The following PPM1G variants were observed in gnomAD, a reference collection of about 807,000 sequenced individuals.
The protein encoded by PPM1G is protein phosphatase 1G.
A neutral mutation model predicts 59.4 loss-of-function variants in PPM1G; 12 were observed. The ratio of observed to expected loss-of-function variants is 0.20; its 90% confidence interval spans 0.13 to 0.33. The LOEUF (loss-of-function observed/expected upper bound fraction) is 0.33, where lower values mean the gene tolerates loss of function less well. PPM1G is among the 10% of genes least tolerant of loss of function. PPM1G has a pLI of 1.00. For missense variants in PPM1G, 392 were observed against 681.3 expected (o/e 0.58, Z 4.73); for synonymous variants, 245 against 251.9 (o/e 0.97, Z 0.26).
At chr2:27,404,056 C>T (rs1363327582) in intron 1 of PPM1G, among the ~76,000 whole-genome samples, 1 of 152,042 alleles carries the variant, frequency 6.6e-6, no homozygotes, top group East Asian at 1.9e-4. Flanking sequence ...TATATTTTTT[C>T]CATTAATTTA....
At chr2:27,389,829 G>C (rs989514963) in intron 1 of PPM1G, among the ~76,000 whole-genome samples, 2 of 152,028 alleles carry the variant, frequency 1.3e-5, no homozygotes, top group Admixed American at 1.3e-4. Context: ...GCCAGGCATA[G>C]CAGCATGCAC....
chr2:27,392,833 T>C, intron 1 of PPM1G: 1 of 1,483,070 alleles, frequency 6.7e-7, no homozygotes, highest in South Asian at 1.1e-5. Flanking sequence ...AAAGAGGTAT[T>C]CTGCCACGCC....
At chr2:27,395,058 C>G (rs944352757) in intron 1 of PPM1G, among the ~76,000 whole-genome samples, 4 of 151,766 alleles carry the variant, frequency 2.6e-5, no homozygotes, top group Non-Finnish European at 5.9e-5. Context: ...GGTGAAACCC[C>G]GTTTCTACTA....
Position 27,382,532 on chromosome 2 carries a change from C to G in PPM1G, c.1275G>C (p.Lys425Asn). The change falls in exon 8 of 10, where the codon AAG becomes AAC. Residue 425 changes from lysine (K) to asparagine (N), a missense_variant. Transcript: ENST00000344034. The surrounding 1 kb of genome is among the most constrained non-coding windows in gnomAD (Gnocchi z 4.2). ...CATGGTCGTCAGTGAGAGTCAGCAC[C>G]TTGATGTCAGGAAGGGCTGAAATCA... ...EQMISALPDIKVLTLTDDHEF... is the reference protein window; with the variant it reads ...EQMISALPDINVLTLTDDHEF... 1 of 1,614,242 alleles carries G rather than the reference C, an allele frequency of 6.2e-7. No individual in the cohort carries two copies. Among genetic ancestry groups the G allele is most frequent in the South Asian group, 1.1e-5 (1 of 91,088 alleles).
intron 1 of PPM1G, among the ~76,000 whole-genome samples, chr2:27,409,006 G>A (rs900667384): frequency 6.6e-5 from 10 of 152,220 alleles, no homozygotes; most frequent in Non-Finnish European, 1.3e-4. Flanking sequence ...AGCCTGGAGG[G>A]CTAGGTTGGC....
chr2:27,384,988 G>C lies in PPM1G; in HGVS notation c.510C>G (p.His170Gln). 7 of 1,614,212 alleles carry C rather than the reference G, an allele frequency of 4.3e-6. No homozygotes were observed. The South Asian group carries it at 6.6e-5, about 15-fold the overall frequency. The change falls in exon 5 of 10, where the codon CAC becomes CAG. Residue 170 changes from histidine to glutamine, a missense_variant. This residue lies in a region of PPM1G where 188 missense variants were observed against 248.8 expected (regional missense o/e 0.76). Transcript: ENST00000344034. The surrounding 1 kb of genome is among the most constrained non-coding windows in gnomAD (Gnocchi z 4.8). ...CGCCTGTCCCACCTCCAGATTTGCT[G>C]TGGGGAGGGCCCTTGTGACAGTTCT... The part of the protein sequence containing the change: ...YGQNCHKGPP[H>Q]SKSGGGTGEE...
intron 1 of PPM1G, among the ~76,000 whole-genome samples, chr2:27,396,537 G>T (rs148973650): frequency 2.0e-5 from 3 of 151,828 alleles, no homozygotes; most frequent in Admixed American, 2.0e-4. Context: ...TTTTAAGGCC[G>T]GGCGTGGTGG....
In PPM1G at chr2:27,392,832, T is replaced by G; in HGVS notation, c.121-5674A>C. The G allele has an allele frequency of 2.0e-6, 3 of 1,483,762 alleles. No individual in the cohort carries two copies. The South Asian group carries it at 3.4e-5, about 17-fold the overall frequency. The allele number at this position is 1,483,762 out of a possible 1,614,324, so 91.9% of individuals were successfully genotyped here. A position where few individuals can be genotyped will look rare whatever the true frequency, so the allele number is the denominator to read the frequency against. On this transcript the variant is annotated intron_variant, in intron 1 of 9. Coordinates refer to ENST00000344034, the MANE Select transcript of PPM1G (RefSeq NM_177983.3). Reference sequence around the variant, plus strand: ...CCAGGGTGTGCTTGTCAAAGAGGTATTCTGCCACGCCAGATTCGGGCGCTC... The same window carrying G: ...CCAGGGTGTGCTTGTCAAAGAGGTAGTCTGCCACGCCAGATTCGGGCGCTC...
chr2:27,381,485 G>C lies in PPM1G; in HGVS notation c.*114C>G. ...GGAATGGGCGGAGTGAAGCCACCCA[G>C]CTCCCCCTGCACACCTCATACCCAC... On this transcript the variant is annotated 3_prime_UTR_variant, in exon 10 of 10. Coordinates refer to ENST00000344034, the MANE Select transcript of PPM1G (RefSeq NM_177983.3). The C allele has an allele frequency of 8.1e-7, 1 of 1,236,208 alleles. No individual in the cohort carries two copies. The highest frequency in any genetic ancestry group is 1.2e-6 in the Non-Finnish European group (1 of 858,782). The allele number at this position is 1,236,208 out of a possible 1,614,324, so 76.6% of individuals were successfully genotyped here.
In PPM1G at chr2:27,383,925, G is replaced by A; in HGVS notation, c.966+27C>T. On this transcript the variant is annotated intron_variant, in intron 6 of 9. Transcript: ENST00000344034. This position sits in a 1 kb window ranked among gnomAD's most constrained non-coding sequence, Gnocchi z 5.0. ...TCACACCTGCCTTGTGGCTTTTCAA[G>A]ACTCATTGCTCCCCTTCCCCACACA... The A allele has an allele frequency of 4.5e-6, 7 of 1,551,190 alleles. No individual in the cohort carries two copies. The highest frequency in any genetic ancestry group is 6.1e-6 in the Non-Finnish European group (7 of 1,146,634).
At chr2:27,391,914 T>G (rs1156866258) in intron 1 of PPM1G, among the ~76,000 whole-genome samples, 1 of 152,002 alleles carries the variant, frequency 6.6e-6, no homozygotes, top group East Asian at 1.9e-4. Flanking sequence ...GTATTTTTAG[T>G]AGAGACGGGG....
chr2:27,389,217 A>G (rs1683839734), intron 1 of PPM1G, among the ~76,000 whole-genome samples: 1 of 152,174 alleles, frequency 6.6e-6, no homozygotes, highest in Admixed American at 6.5e-5. Flanking sequence ...CCCTTTGTAA[A>G]CTGGAATTTG....
At position 27,385,178 on chromosome 2, in the gene PPM1G, A is replaced by G. The variant is rs1253912719; in HGVS notation, c.410-90T>C. ...TACCTCAACAGCCCTTGCAGCCTCT[A>G]ACTTCCCCACAACCTCCCACTCCCA... On this transcript the variant is annotated intron_variant, in intron 4 of 9. Transcript: ENST00000344034. The surrounding 1 kb of genome is among the most constrained non-coding windows in gnomAD (Gnocchi z 4.1). 1 of 1,426,320 alleles carries G rather than the reference A, an allele frequency of 7.0e-7. No individual in the cohort carries two copies. 88.4% of individuals were successfully genotyped at this position (1,426,320 alleles called of 1,614,324 possible). A position where few individuals can be genotyped will look rare whatever the true frequency, so the allele number is the denominator to read the frequency against.
intron 1 of PPM1G, among the ~76,000 whole-genome samples, chr2:27,399,182 A>G (rs899745439): frequency 6.6e-6 from 1 of 150,720 alleles, no homozygotes; most frequent in Non-Finnish European, 1.5e-5. Context: ...AAAACAAAAC[A>G]AAAAAAGAAA....
Position 27,383,987 on chromosome 2 carries a change from C to G in PPM1G, c.931G>C (p.Glu311Gln). The G allele has an allele frequency of 6.4e-7, 1 of 1,551,082 alleles. No individual in the cohort carries two copies. The highest frequency in any genetic ancestry group is 8.7e-7 in the Non-Finnish European group (1 of 1,145,842). Residue 311 changes from glutamate (E) to glutamine (Q), a missense_variant, in exon 6 of 10, where the codon GAG (glutamate) becomes CAG (glutamine). Transcript: ENST00000344034. The surrounding 1 kb of genome is among the most constrained non-coding windows in gnomAD (Gnocchi z 5.0). ...AEEDDEEEEE[E>Q]MMVPGMEGKE... Reference sequence around the variant, plus strand: ...CCTTCCATCCCTGGCACCATCATCTCTTCTTCTTCTTCTTCATCGTCCTCT... The same window carrying G: ...CCTTCCATCCCTGGCACCATCATCTGTTCTTCTTCTTCTTCATCGTCCTCT...
intron 1 of PPM1G, among the ~76,000 whole-genome samples, chr2:27,408,133 G>T (rs1388254604): frequency 6.6e-6 from 1 of 151,746 alleles, no homozygotes; most frequent in East Asian, 1.9e-4. Flanking sequence ...TTATAAAATT[G>T]TTATTAAGGT....
rs1364911352 is a variant in PPM1G at position 27,384,267 on chromosome 2, C to T, written c.826-175G>A. 6.6e-6 allele frequency among the ~76,000 whole-genome samples: 1 copy of T among 152,232 alleles called. No individual in the cohort carries two copies. Among genetic ancestry groups the T allele is most frequent in the Non-Finnish European group, 1.5e-5 (1 of 68,048 alleles). Reference sequence around the variant, plus strand: ...AAAGGGCTAGCATGAGTACAACTGACATCCTGAACTGGGCTTAGCAGTCAC... The same window carrying T: ...AAAGGGCTAGCATGAGTACAACTGATATCCTGAACTGGGCTTAGCAGTCAC... On this transcript the variant is annotated intron_variant, in intron 5 of 9. Transcript: ENST00000344034. The surrounding 1 kb of genome is among the most constrained non-coding windows in gnomAD (Gnocchi z 4.8).
intron 1 of PPM1G, among the ~76,000 whole-genome samples, chr2:27,389,717 C>T (rs1056575186): frequency 5.9e-5 from 9 of 152,240 alleles, no homozygotes; most frequent in Admixed American, 3.9e-4. Context: ...GTAATCCCAG[C>T]GCTCTGGGAA....
chr2:27,394,741 T>TAAAAAAAAAAAA, intron 1 of PPM1G, among the ~76,000 whole-genome samples: 1 of 107,920 alleles, frequency 9.3e-6, no homozygotes, highest in Non-Finnish European at 1.8e-5. Flanking sequence ...GACTCTGTCT[T>TAAAAAAAAAAAA]AAAAAAAAAA....
Sources: gnomAD v4.1 joint callset for allele counts (sites outside exome capture counted in the v4.1 genomes callset) on GRCh38, gnomAD v4.1.1 for gene constraint, gnomAD v4.1.1 regional missense constraint, Gnocchi (gnomAD v3.1) non-coding constraint, MANE v1.5 for transcripts, NCBI Gene and HGNC (gene_info 2026-07-23, HGNC 2026-07-21) for gene names.